TPRG1: variants seen among roughly 807,000 people sequenced by gnomAD.
TPRG1 encodes tumor protein p63-regulated gene 1 protein.
In TPRG1, 29 loss-of-function variants were observed where a neutral mutation model predicts 29.3. The ratio of observed to expected loss-of-function variants is 0.99; its 90% CI spans 0.74 to 1.35. The LOEUF is 1.35. Ranked by LOEUF, TPRG1 falls within the 40% of genes most tolerant of loss-of-function variation. TPRG1 has a pLI of 0.00. For synonymous variants in TPRG1, 130 were observed against 116.8 expected (o/e 1.11, Z -0.73); for missense variants, 327 against 335.0 (o/e 0.98, Z 0.19).
chr3:189,163,203 G>A (rs1727711787), intron 5 of TPRG1, among the ~76,000 whole-genome samples: 1 of 152,160 alleles, frequency 6.6e-6, no homozygotes, highest in African/African-American at 2.4e-5. Context: ...AACCCAGGAG[G>A]TGGAGGGTGC....
chr3:189,018,106 G>A (rs915874476), intron 3 of TPRG1, among the ~76,000 whole-genome samples: 15 of 152,338 alleles, frequency 9.8e-5, no homozygotes, highest in African/African-American at 2.9e-4. Context: ...ATTTGTTGAA[G>A]TTCTTTGTAG....
chr3:189,106,104 GAAACAAAACA>G (rs537389976), intron 1 of TPRG1, among the ~76,000 whole-genome samples: 1 of 151,918 alleles, frequency 6.6e-6, no homozygotes, highest in East Asian at 1.9e-4. Context: ...TGTTCTACCA[GAAACAAAACA>G]AAACAAAACA....
At chr3:189,184,873 G>A (rs1042299402) in intron 1 of TPRG1, among the ~76,000 whole-genome samples, 21 of 152,146 alleles carry the variant, frequency 1.4e-4, no homozygotes, top group African/African-American at 5.1e-4. Flanking sequence ...GGTGAGATTC[G>A]CAACAGCAGA....
chr3:189,099,957 A>G (rs1237707357), upstream of TPRG1, among the ~76,000 whole-genome samples: 1 of 152,214 alleles, frequency 6.6e-6, no homozygotes, highest in Non-Finnish European at 1.5e-5. Flanking sequence ...ACGTAGGTCC[A>G]TCATGCCTAA....
intron 2 of TPRG1, among the ~76,000 whole-genome samples, chr3:189,209,443 G>A (rs554276692): frequency 1.1e-3 from 170 of 152,280 alleles, no homozygotes; most frequent in Non-Finnish European, 2.0e-3. Context: ...AATTGACAGA[G>A]TCCAAATCCA....
At position 189,155,112 on chromosome 3, in the gene TPRG1, A is replaced by G. The variant is rs140774532; in HGVS notation, c.-10+4240A>G. 1.2e-3 allele frequency among the ~76,000 whole-genome samples: 185 copies of G among 152,256 alleles called. 1 individual carries two copies. Among genetic ancestry groups the G allele is most frequent in the African/African-American group, 4.0e-3 (167 of 41,560 alleles). ...ACGTGGAGGCTAATATGGTTGGGGA[A>G]GAGGGAGCAAGGGGGAGCCGCAGGA... On this transcript the variant is annotated intron_variant, in intron 5 of 6. Coordinates refer to the TPRG1 transcript ENST00000412373.
chr3:189,250,200 A>G (rs937852604), intron 4 of TPRG1, among the ~76,000 whole-genome samples: 1 of 152,182 alleles, frequency 6.6e-6, no homozygotes, highest in African/African-American at 2.4e-5. Context: ...AGCAGCTGGC[A>G]TCTGTTAAGT....
chr3:189,109,150 A>G (rs1031832169), intron 1 of TPRG1, among the ~76,000 whole-genome samples: 1 of 152,056 alleles, frequency 6.6e-6, no homozygotes, highest in African/African-American at 2.4e-5. Flanking sequence ...GAGACAGAGC[A>G]GAGAGAGAGG....
intron 1 of TPRG1, among the ~76,000 whole-genome samples, chr3:188,998,033 T>TA (rs574246027): frequency 8.5e-5 from 13 of 152,230 alleles, no homozygotes; most frequent in African/African-American, 2.9e-4. Flanking sequence ...TTTGTTCAAT[T>TA]AAAAAACATA....
intron 3 of TPRG1, among the ~76,000 whole-genome samples, chr3:189,022,544 G>GGGGGTCA (rs1686214861): frequency 1.3e-5 from 2 of 151,540 alleles, no homozygotes; most frequent in Admixed American, 1.3e-4. Context: ...TAGGCTGCTC[G>GGGGGTCA]GGGGTCAGGG....
intron 3 of TPRG1, among the ~76,000 whole-genome samples, chr3:189,221,272 A>T (rs538894840): frequency 2.6e-5 from 4 of 152,318 alleles, no homozygotes; most frequent in Non-Finnish European, 5.9e-5. Flanking sequence ...GGTAGGAAAC[A>T]TTACCTTCAG....
chr3:189,243,628 A>G (rs1290588664), intron 4 of TPRG1, among the ~76,000 whole-genome samples: 1 of 152,112 alleles, frequency 6.6e-6, no homozygotes, highest in African/African-American at 2.4e-5. Flanking sequence ...TCCAACTTTA[A>G]GTCATTTCTT....
At chr3:189,086,328 T>G (rs866077569) in intron 4 of TPRG1, among the ~76,000 whole-genome samples, 9 of 151,862 alleles carry the variant, frequency 5.9e-5, no homozygotes, top group South Asian at 2.1e-4. Flanking sequence ...TGGGTGGGTC[T>G]TCTTCTCCCA....
At chr3:189,087,401 T>G (rs1217444986) in intron 4 of TPRG1, among the ~76,000 whole-genome samples, 1 of 152,226 alleles carries the variant, frequency 6.6e-6, no homozygotes, top group Non-Finnish European at 1.5e-5. Context: ...AGATTCTGGA[T>G]ATTAGCCCTT....
intron 2 of TPRG1, among the ~76,000 whole-genome samples, chr3:189,209,262 T>C (rs1734887343): frequency 6.6e-6 from 1 of 152,232 alleles, no homozygotes; most frequent in Non-Finnish European, 1.5e-5. Context: ...ACAGTTGCCA[T>C]GAACATGAGT....
chr3:189,001,663 C>A (rs1379718159), intron 2 of TPRG1, among the ~76,000 whole-genome samples: 2 of 152,126 alleles, frequency 1.3e-5, no homozygotes, highest in African/African-American at 2.4e-5. Context: ...AACATTCAGA[C>A]CAGTGCAGCT....
intron 1 of TPRG1, among the ~76,000 whole-genome samples, chr3:189,178,900 G>A (rs1729849390): frequency 6.6e-6 from 1 of 152,186 alleles, no homozygotes; most frequent in South Asian, 2.1e-4. Flanking sequence ...TACATCAAAT[G>A]GAGGATGTTT....
chr3:189,101,577 C>A (rs1322752768), intron 1 of TPRG1, among the ~76,000 whole-genome samples: 1 of 151,994 alleles, frequency 6.6e-6, no homozygotes, highest in Non-Finnish European at 1.5e-5. Flanking sequence ...TAAGCCCTAC[C>A]ATCATTCTGG....
rs752869599 is a variant in TPRG1, at chr3:189,238,762, G to T, written c.332G>T (p.Arg111Ile). 14 of 1,613,128 alleles carry T rather than the reference G, an allele frequency of 8.7e-6. No homozygotes were observed. In the South Asian group the frequency reaches 1.4e-4, roughly 16 times the overall value. Residue 111 changes from arginine (R) to isoleucine (I), a missense_variant, in exon 4 of 6, where the codon AGA becomes ATA. Coordinates refer to ENST00000345063, the MANE Select transcript of TPRG1 (RefSeq NM_198485.4). ...KIDHWNNEKE[R>I]ILLVTDKTLL... ...GACCACTGGAACAATGAGAAGGAGA[G>T]AATTCTACTGGTCACAGACAAGACT...
Sources: allele counts gnomAD v4.1 joint callset (sites outside exome capture counted in the v4.1 genomes callset), GRCh38; gene constraint gnomAD v4.1.1; transcripts MANE v1.5; gene names NCBI Gene and HGNC (gene_info 2026-07-23, HGNC 2026-07-21).